DDA1: variants seen among roughly 807,000 people sequenced by gnomAD.
DDA1 encodes DET1 and DDB1 associated 1, also known as DET1- and DDB1-associated protein 1.
In DDA1, 3 loss-of-function variants were observed where a neutral mutation model predicts 18.6. The ratio of observed to expected loss-of-function variants is 0.16; its 90% CI spans 0.07 to 0.42. The LOEUF is 0.42. DDA1 is among the 10% of genes least tolerant of loss of function. The pLI is 0.99. For synonymous variants in DDA1, 52 were observed against 54.0 expected (o/e 0.96, Z 0.17); for missense variants, 105 against 138.2 (o/e 0.76, Z 1.20).
intron 4 of DDA1, 152 bp from the exon 5 acceptor site, chr19:17,319,394 T>C (rs1376482161): frequency 1.7e-5 from 11 of 644,982 alleles, no homozygotes; most frequent in Admixed American, 2.9e-5. Context: ...GAAACCCCCA[T>C]GTCTACCAAA....
At chr19:17,315,424 G>GCATATATATATATATATA (rs1265232607) in intron 3 of DDA1, among the ~76,000 whole-genome samples, 2 of 56,850 alleles carry the variant, frequency 3.5e-5, no homozygotes, top group African/African-American at 2.9e-4. Context: ...GTGTGTGTGT[G>GCATATATATATATATATA]TGTGCATATA....
At chr19:17,319,421 G>A (rs576651974) in intron 4 of DDA1, 125 bp from the exon 5 acceptor site, 16 of 700,188 alleles carry the variant, frequency 2.3e-5, no homozygotes, top group Middle Eastern at 3.6e-4. Context: ...AATATTAAGC[G>A]TGGTGGTATG....
chr19:17,310,808 C>T lies in DDA1; in HGVS notation c.3+1151C>T, dbSNP rs916602607. Among the ~76,000 whole-genome samples the T allele has an allele frequency of 5.6e-4, 85 of 152,346 alleles. 2 individuals are homozygous for T. Among genetic ancestry groups the T allele is most frequent in the Admixed American group, 9.8e-4 (15 of 15,296 alleles). On this transcript the variant is annotated intron_variant, in intron 1 of 4. Transcript: ENST00000359866. ...GATTAGATTGTCTCTGCCTTCTGAA[C>T]ACACCTGAATTCATCCATGGCTTCA...
intron 3 of DDA1, among the ~76,000 whole-genome samples, chr19:17,315,373 ACACACG>A (rs2074206531): frequency 1.2e-5 from 1 of 85,464 alleles, no homozygotes; most frequent in African/African-American, 4.1e-5. Flanking sequence ...CTATATATAT[ACACACG>A]TATATATATA....
At position 17,320,106 on chromosome 19, in the gene DDA1, G is replaced by A. The variant is rs10259; in HGVS notation, c.*450G>A. On this transcript the variant is annotated 3_prime_UTR_variant, in exon 5 of 5. Transcript: ENST00000359866. The stretch of plus-strand genomic sequence containing the variant: ...AGTGGCCTTCTCCCCCCCAACACCG[G>A]TCCAGGCCATTGAGACTCGGTCTTG... 0.34 allele frequency: 54,204 copies of A among 157,744 alleles called. 11,012 individuals are homozygous for A. Among genetic ancestry groups the A allele is most frequent in the African/African-American group, 0.56 (23,313 of 41,554 alleles). 9.8% of individuals were successfully genotyped at this position (157,744 alleles called of 1,614,324 possible).
Position 17,309,604 on chromosome 19 carries a change from C to G in DDA1, c.-51C>G. ...GCGGCTAAGAAGGCGGCTCTGGTGG[C>G]GGCGGTGGAGGCTGAGGCGGCGGCC... On this transcript the variant is annotated 5_prime_UTR_variant, in exon 1 of 5. Coordinates refer to ENST00000359866, the MANE Select transcript of DDA1 (RefSeq NM_024050.6). 1 of 1,597,704 alleles carries G rather than the reference C, an allele frequency of 6.3e-7. No individual in the cohort carries two copies. Among genetic ancestry groups the G allele is most frequent in the Non-Finnish European group, 8.6e-7 (1 of 1,166,678 alleles).
chr19:17,315,635 A>G, intron 3 of DDA1: 1 of 431,046 alleles, frequency 2.3e-6, no homozygotes, highest in South Asian at 2.4e-5. Flanking sequence ...CTGGGCACAG[A>G]TATGCGGTAT....
chr19:17,320,534 G>A lies in DDA1; in HGVS notation c.*878G>A, dbSNP rs918636413. The A allele has an allele frequency of 2.0e-5, 3 of 152,392 alleles. No individual in the cohort carries two copies. The highest frequency in any genetic ancestry group is 7.2e-5 in the African/African-American group (3 of 41,476). 9.4% of individuals were successfully genotyped at this position (152,392 alleles called of 1,614,324 possible). ...AGGTCATTCCTGAGAGACGGTCCAT[G>A]GTGCCAAGGATGGAGCGGGGTCAGC... On this transcript the variant is annotated 3_prime_UTR_variant, in exon 5 of 5. Coordinates refer to ENST00000359866, the MANE Select transcript of DDA1 (RefSeq NM_024050.6).
chr19:17,313,884 C>T, intron 1 of DDA1, 139 bp from the exon 2 acceptor site: 1 of 679,528 alleles, frequency 1.5e-6, no homozygotes. Flanking sequence ...TATCCAGCAG[C>T]CAGCTCAAGG....
At chr19:17,318,644 G>A (rs1402014301) in intron 4 of DDA1, among the ~76,000 whole-genome samples, 3 of 152,036 alleles carry the variant, frequency 2.0e-5, no homozygotes, top group Non-Finnish European at 4.4e-5. Flanking sequence ...TGGGATTACA[G>A]GTGTGAGCCA....
At chr19:17,312,647 C>T (rs1213508723) in intron 1 of DDA1, among the ~76,000 whole-genome samples, 3 of 152,190 alleles carry the variant, frequency 2.0e-5, no homozygotes, top group African/African-American at 4.8e-5. Flanking sequence ...CCTCACACTG[C>T]GCCCTCGAGG....
intron 3 of DDA1, among the ~76,000 whole-genome samples, chr19:17,315,427 TGC>T (rs1425563942): frequency 5.2e-4 from 41 of 79,122 alleles, no homozygotes; most frequent in African/African-American, 2.7e-3. Flanking sequence ...TGTGTGTGTG[TGC>T]ATATATATAT....
chr19:17,318,348 C>T (rs1321555629), intron 4 of DDA1, among the ~76,000 whole-genome samples: 1 of 152,216 alleles, frequency 6.6e-6, no homozygotes, highest in Non-Finnish European at 1.5e-5. Context: ...TCTCCTGCCT[C>T]AGCCTCCCGA....
chr19:17,311,497 T>G (rs1302750486), intron 1 of DDA1, among the ~76,000 whole-genome samples: 1 of 152,186 alleles, frequency 6.6e-6, no homozygotes, highest in African/African-American at 2.4e-5. Context: ...TACCACTTTC[T>G]AGCCTATAAA....
At chr19:17,313,303 G>C (rs2074187302) in intron 1 of DDA1, among the ~76,000 whole-genome samples, 1 of 152,052 alleles carries the variant, frequency 6.6e-6, no homozygotes, top group Non-Finnish European at 1.5e-5. Flanking sequence ...CTGCCCCATT[G>C]GGTCAGGAGA....
At position 17,309,571 on chromosome 19, in the gene DDA1, G is replaced by A; in HGVS notation, c.-84G>A. ...GGCTGTGCCGTGGCTGGAAGTTACT[G>A]TGAGGCGGCGGCTAAGAAGGCGGCT... On this transcript the variant is annotated 5_prime_UTR_variant, in exon 1 of 5. The change creates a new upstream start codon in the 5' untranslated region. Transcript: ENST00000359866. 1.4e-6 allele frequency: 2 copies of A among 1,421,884 alleles called. No individual in the cohort carries two copies. Among genetic ancestry groups the A allele is most frequent in the Non-Finnish European group, 2.0e-6 (2 of 1,009,050 alleles). The allele number at this position is 1,421,884 out of a possible 1,614,324, so 88.1% of individuals were successfully genotyped here.
chr19:17,317,938 C>T (rs540824716), intron 4 of DDA1, among the ~76,000 whole-genome samples: 34 of 152,204 alleles, frequency 2.2e-4, no homozygotes, highest in African/African-American at 7.5e-4. Context: ...CCTCTGCACA[C>T]GGGATATTTT....
intron 1 of DDA1, among the ~76,000 whole-genome samples, chr19:17,312,437 C>T (rs1191367140): frequency 6.6e-6 from 1 of 152,038 alleles, no homozygotes; most frequent in Non-Finnish European, 1.5e-5. Flanking sequence ...CAGGTATTTG[C>T]CACATGGAGG....
intron 4 of DDA1, 87 bp downstream of exon 4, chr19:17,316,082 T>C (rs2074211561): frequency 2.1e-6 from 3 of 1,460,390 alleles, no homozygotes; most frequent in Non-Finnish European, 1.9e-6. Context: ...GGAAGGACTC[T>C]AGTGATTGGA....
Sources: gnomAD v4.1 joint callset for allele counts (sites outside exome capture counted in the v4.1 genomes callset) on GRCh38, gnomAD v4.1.1 for gene constraint, MANE v1.5 for transcripts, NCBI Gene and HGNC (gene_info 2026-07-23, HGNC 2026-07-21) for gene names.